Variants in AFAP1L2 observed in about 807,000 individuals in gnomAD.
AFAP1L2 encodes actin filament-associated protein 1-like 2.
Under a neutral mutation model 99.3 loss-of-function variants are expected in AFAP1L2, and 46 were observed. That is an observed-to-expected ratio of 0.46 (90% CI 0.37 to 0.59). AFAP1L2 has a LOEUF of 0.59. Ranked by LOEUF, AFAP1L2 falls within the 20% of genes least tolerant of loss-of-function variation. AFAP1L2 has a pLI of 0.00. For missense variants in AFAP1L2, 959 were observed against 1,034.9 expected, an observed-to-expected ratio of 0.93 and a Z score of 1.01; for synonymous variants, 397 against 419.1, an observed-to-expected ratio of 0.95 and a Z score of 0.64.
Position 114,300,353 on chromosome 10 carries a change from T to A in AFAP1L2, c.1798A>T (p.Ser600Cys). 6.2e-7 allele frequency: 1 copy of A among 1,614,032 alleles called. No homozygotes were observed. The highest frequency in any genetic ancestry group is 2.2e-5 in the East Asian group (1 of 44,868). The change falls in exon 15 of 19, where the codon AGT (serine) becomes TGT (cysteine). Residue 600 changes from serine to cysteine, a missense_variant. By Grantham distance (112) the Ser-to-Cys change is moderately radical (BLOSUM62 -1). Transcript: ENST00000304129. ...AGGGAAGGATCCTCTGGCTCCAAACTCTCCAGCTGCTTTGGGGGAAAGCAG... is the reference window on the plus strand; with the variant it reads ...AGGGAAGGATCCTCTGGCTCCAAACACTCCAGCTGCTTTGGGGGAAAGCAG... ...PENLGEQQLE[S>C]LEPEDPSLRI...
At chr10:114,331,594 C>T (rs542598193) in intron 4 of AFAP1L2, among the ~76,000 whole-genome samples, 2 of 152,198 alleles carry the variant, frequency 1.3e-5, no homozygotes, top group African/African-American at 4.8e-5. Context: ...AGACCCATCA[C>T]CCTCAGCATC....
rs2040129897 is a variant in AFAP1L2, at chr10:114,295,869, G to T, written c.*173C>A. 1.4e-6 allele frequency: 2 copies of T among 1,464,256 alleles called. No individual in the cohort carries two copies. Among genetic ancestry groups the T allele is most frequent in the Admixed American group, 5.2e-5 (2 of 38,260 alleles). 90.7% of individuals were successfully genotyped at this position (1,464,256 alleles called of 1,614,324 possible). On this transcript the variant is annotated 3_prime_UTR_variant, in exon 19 of 19. Transcript: ENST00000304129. ...TCCTTTTTGTTGTATTATTTCCTTTGGCTCTGAAAAGGGACAGAGCCTCCT... is the reference window on the plus strand; with the variant it reads ...TCCTTTTTGTTGTATTATTTCCTTTTGCTCTGAAAAGGGACAGAGCCTCCT...
At position 114,315,036 on chromosome 10, in the gene AFAP1L2, G is replaced by T. The variant is rs533363669; in HGVS notation, c.612+524C>A. Among the ~76,000 whole-genome samples, 312 of 152,304 alleles carry T rather than the reference G, an allele frequency of 2.0e-3. 1 individual carries two copies. The highest frequency in any genetic ancestry group is 7.2e-3 in the African/African-American group (300 of 41,558). On this transcript the variant is annotated intron_variant, in intron 6 of 18. Coordinates refer to ENST00000304129, the MANE Select transcript of AFAP1L2 (RefSeq NM_001001936.3). ...GGCGCCTGTAATCCCAGCTACTCAG[G>T]AGGCTGAGGCAGGAGAATCACTTGA...
At chr10:114,398,716 T>A in intron 1 of AFAP1L2, 1 of 721,780 alleles carries the variant, frequency 1.4e-6, no homozygotes. Flanking sequence ...AGCCCCTGAG[T>A]GCCCAGGCCG....
intron 4 of AFAP1L2, chr10:114,325,972 T>TC: frequency 7.8e-7 from 1 of 1,289,246 alleles, no homozygotes; most frequent in Non-Finnish European, 1.0e-6. Context: ...GAAACTCCGT[T>TC]CCCGTCAGGT....
chr10:114,290,359 G>A (rs548778680), downstream of AFAP1L2: 13 of 1,550,402 alleles, frequency 8.4e-6, no homozygotes, highest in South Asian at 1.2e-5. Flanking sequence ...CCCCCACTGC[G>A]AGAACCGTGA....
At chr10:114,367,418 C>G (rs1357734545) in intron 1 of AFAP1L2, among the ~76,000 whole-genome samples, 1 of 152,156 alleles carries the variant, frequency 6.6e-6, no homozygotes, top group Non-Finnish European at 1.5e-5. Context: ...AGGGATTTGG[C>G]CCATCTGTCT....
At chr10:114,327,554 A>G (rs572143463) in intron 4 of AFAP1L2, among the ~76,000 whole-genome samples, 1 of 152,234 alleles carries the variant, frequency 6.6e-6, no homozygotes, top group African/African-American at 2.4e-5. Context: ...ACCAGACCAG[A>G]GGTCCAGAGG....
chr10:114,299,397 T>C lies in AFAP1L2; in HGVS notation c.1976A>G (p.Asn659Ser), dbSNP rs951850206. The C allele has an allele frequency of 6.2e-7, 1 of 1,614,184 alleles. No individual in the cohort carries two copies. The highest frequency in any genetic ancestry group is 8.5e-7 in the Non-Finnish European group (1 of 1,180,024). Residue 659 changes from asparagine (N) to serine (S), a missense_variant, in exon 16 of 19, where the codon AAT becomes AGT. This residue lies in a region of AFAP1L2 where 576 missense variants were observed against 562.1 expected (regional missense o/e 1.02). Coordinates refer to ENST00000304129, the MANE Select transcript of AFAP1L2 (RefSeq NM_001001936.3). ...VTSAEIKLGK[N>S]RTEAEVKRYT... ...CCGCTTCACCTCAGCTTCTGTCCGA[T>C]TCTTGCCAAGCTTGATCTCTACAGA...
chr10:114,376,823 A>C (rs910773298), intron 1 of AFAP1L2, among the ~76,000 whole-genome samples: 4 of 152,190 alleles, frequency 2.6e-5, no homozygotes, highest in Non-Finnish European at 5.9e-5. Flanking sequence ...AGAATAGAGA[A>C]ACATGGGAAG....
intron 6 of AFAP1L2, 114 bp downstream of exon 6, chr10:114,315,446 C>T (rs2043964907): frequency 2.8e-6 from 3 of 1,054,214 alleles, no homozygotes; most frequent in Non-Finnish European, 4.1e-6. Context: ...AATCTCCTGA[C>T]ATAAACAAGC....
chr10:114,343,118 C>A (rs2049041647), intron 1 of AFAP1L2, among the ~76,000 whole-genome samples: 1 of 152,230 alleles, frequency 6.6e-6, no homozygotes, highest in South Asian at 2.1e-4. Flanking sequence ...CAGGTCCTAT[C>A]TAGCCAAAAT....
chr10:114,332,847 T>C (rs1220330819), intron 3 of AFAP1L2, among the ~76,000 whole-genome samples: 3 of 152,148 alleles, frequency 2.0e-5, no homozygotes, highest in Non-Finnish European at 2.9e-5. Context: ...ACCATTTACT[T>C]CTCTCTCCTC....
In AFAP1L2 at chr10:114,388,423, C is replaced by T. The variant is rs142551486; in HGVS notation, c.16+16017G>A. 5.8e-3 allele frequency among the ~76,000 whole-genome samples: 884 copies of T among 152,260 alleles called. 8 individuals are homozygous for T. Among genetic ancestry groups the T allele is most frequent in the African/African-American group, 0.019 (793 of 41,554 alleles). On this transcript the variant is annotated intron_variant, in intron 1 of 18. Transcript: ENST00000304129. ...TCCCCAGAGAGACTCTCCATCACCCCCAGGCTAATGTTGGACACCACCCCC... is the reference window on the plus strand; with the variant it reads ...TCCCCAGAGAGACTCTCCATCACCCTCAGGCTAATGTTGGACACCACCCCC...
chr10:114,353,811 G>A (rs2050903637), intron 1 of AFAP1L2, among the ~76,000 whole-genome samples: 1 of 152,078 alleles, frequency 6.6e-6, no homozygotes, highest in African/African-American at 2.4e-5. Context: ...AGTGGATAGA[G>A]GACAGTGAAG....
chr10:114,307,283 A>C (rs2042585812), intron 10 of AFAP1L2, among the ~76,000 whole-genome samples: 1 of 151,992 alleles, frequency 6.6e-6, no homozygotes, highest in African/African-American at 2.4e-5. Flanking sequence ...GCACCATTCC[A>C]GCCCATTCCA....
upstream of AFAP1L2, chr10:114,404,711 G>T: frequency 2.7e-6 from 1 of 377,312 alleles, no homozygotes; most frequent in East Asian, 4.5e-5. Context: ...CTCTTGAGTC[G>T]GTGCGCGCCC....
chr10:114,368,299 A>G (rs1297603996), intron 1 of AFAP1L2, among the ~76,000 whole-genome samples: 1 of 152,164 alleles, frequency 6.6e-6, no homozygotes, highest in Non-Finnish European at 1.5e-5. Flanking sequence ...GGGGAAATGG[A>G]GAGATGCTGG....
At chr10:114,304,991 GA>G in intron 10 of AFAP1L2, 61 bp from the exon 11 acceptor site, 1 of 1,327,430 alleles carries the variant, frequency 7.5e-7, no homozygotes, top group South Asian at 1.3e-5. Flanking sequence ...GCAGATGCAG[GA>G]GGGGGCGGGG....
Sources: gnomAD v4.1 joint callset for allele counts (sites outside exome capture counted in the v4.1 genomes callset) on GRCh38, gnomAD v4.1.1 for gene constraint, gnomAD v4.1.1 regional missense constraint, MANE v1.5 for transcripts, NCBI Gene and HGNC (gene_info 2026-07-23, HGNC 2026-07-21) for gene names.